BACH2: variants seen among roughly 807,000 people sequenced by gnomAD.
BACH2 encodes the protein transcription regulator protein BACH2.
BACH2 carries 5 observed loss-of-function variants against 61.8 expected under a neutral mutation model. The ratio of observed to expected loss-of-function variants is 0.08; its 90% confidence interval spans 0.04 to 0.17. The LOEUF (loss-of-function observed/expected upper bound fraction) is 0.17, where lower values mean the gene tolerates loss of function less well. Ranked by LOEUF, BACH2 falls within the 10% of genes least tolerant of loss-of-function variation. The pLI, the probability that BACH2 is intolerant of heterozygous loss-of-function variation, is 1.00. For synonymous variants in BACH2, 446 were observed against 440.1 expected, an observed-to-expected ratio of 1.01 and a Z score of -0.17; for missense variants, 824 against 1,091.1, an observed-to-expected ratio of 0.76 and a Z score of 3.45.
chr6:90,251,132 T>C (rs1326199482), intron 3 of BACH2, among the ~76,000 whole-genome samples: 1 of 151,714 alleles, frequency 6.6e-6, no homozygotes, highest in Non-Finnish European at 1.5e-5. Flanking sequence ...GTAATAATAA[T>C]ATAGTACAAG....
chr6:90,121,547 ATTAAT>A (rs1440001767), intron 4 of BACH2, among the ~76,000 whole-genome samples: 5 of 152,048 alleles, frequency 3.3e-5, no homozygotes, highest in Non-Finnish European at 5.9e-5. Context: ...TAATTAATTA[ATTAAT>A]TTATTTTGAG....
intron 4 of BACH2, among the ~76,000 whole-genome samples, chr6:90,126,061 G>A (rs570533876): frequency 3.3e-5 from 5 of 152,298 alleles, no homozygotes; most frequent in African/African-American, 1.2e-4. Flanking sequence ...TCCACTTTGC[G>A]ATCTGTGGGA....
intron 3 of BACH2, among the ~76,000 whole-genome samples, chr6:90,210,252 T>C (rs1177770245): frequency 6.6e-6 from 1 of 151,686 alleles, no homozygotes; most frequent in Non-Finnish European, 1.5e-5. Context: ...CAAGACGCTA[T>C]GGAAATAAAG....
At chr6:89,948,139 G>A (rs544961834) in intron 7 of BACH2, among the ~76,000 whole-genome samples, 1 of 152,252 alleles carries the variant, frequency 6.6e-6, no homozygotes, top group East Asian at 1.9e-4. Context: ...AGATGTATCT[G>A]AAACTGACAG....
chr6:89,948,936 G>C (rs1300052301), intron 7 of BACH2, among the ~76,000 whole-genome samples: 2 of 152,158 alleles, frequency 1.3e-5, no homozygotes, highest in African/African-American at 4.8e-5. Flanking sequence ...AGGCAGTTAA[G>C]AGAGGGGCAG....
At position 90,283,637 on chromosome 6, in the gene BACH2, A is replaced by G. The variant is rs573191691; in HGVS notation, c.-445-11696T>C. On this transcript the variant is annotated intron_variant, in intron 1 of 8. Transcript: ENST00000257749. ...TGATCCACCCGCCTCGACCTCCCAA[A>G]GTGCTGGGATTACAGGCGTGAGCCA... Among the ~76,000 whole-genome samples, 20 of 152,182 alleles carry G rather than the reference A, an allele frequency of 1.3e-4. No individual in the cohort carries two copies. The South Asian group carries it at 4.2e-3, about 32-fold the overall frequency.
intron 3 of BACH2, among the ~76,000 whole-genome samples, chr6:90,244,645 C>T (rs1770573062): frequency 6.6e-6 from 1 of 152,224 alleles, no homozygotes; most frequent in Non-Finnish European, 1.5e-5. Flanking sequence ...CACAAATACT[C>T]GTGTACATGT....
chr6:90,268,550 G>T (rs1341719703), intron 2 of BACH2, among the ~76,000 whole-genome samples: 1 of 152,080 alleles, frequency 6.6e-6, no homozygotes, highest in Non-Finnish European at 1.5e-5. Context: ...TATGTCTGTT[G>T]ACTATAAGAA....
chr6:90,265,822 T>C (rs1354258549), intron 2 of BACH2, among the ~76,000 whole-genome samples: 3 of 152,196 alleles, frequency 2.0e-5, no homozygotes, highest in Admixed American at 2.0e-4. Context: ...GGGCACCAGA[T>C]AGAAGAGGAC....
intron 5 of BACH2, among the ~76,000 whole-genome samples, chr6:90,065,270 C>CTTTTTTTTTTTTTTTTTTTTTTTTT (rs71027920): frequency 3.8e-4 from 20 of 52,666 alleles, no homozygotes; most frequent in South Asian, 1.4e-3. Flanking sequence ...GCCGCCCCCA[C>CTTTTTTTTTTTTTTTTTTTTTTTTT]TTTTTTTTTT....
rs1775196740 is a variant in BACH2, at chr6:89,968,894, C to T, written c.244-17032G>A. On this transcript the variant is annotated intron_variant, in intron 6 of 8. Transcript: ENST00000257749. ...GGTGTGGTGGCGTATGCCTGTAGTC[C>T]CAGCTACTTGGGGGGCTGAGGCAGG... is the stretch of plus-strand genomic sequence containing the variant. Among the ~76,000 whole-genome samples, 2 of 151,982 alleles carry T rather than the reference C, an allele frequency of 1.3e-5. 1 individual carries two copies. The highest frequency in any genetic ancestry group is 4.2e-4 in the South Asian group (2 of 4,810).
chr6:90,097,766 C>T lies in BACH2; in HGVS notation c.-161-8657G>A, dbSNP rs1641890406. 2.0e-5 allele frequency among the ~76,000 whole-genome samples: 3 copies of T among 152,252 alleles called. No individual in the cohort carries two copies. In the South Asian group the frequency reaches 6.2e-4, roughly 32 times the overall value. ...TCGTTGTACAGCCTTCACCACTATC[C>T]ATCCAATACATTTTTAAAGTGAGTA... is the stretch of plus-strand genomic sequence containing the variant. On this transcript the variant is annotated intron_variant, in intron 4 of 8. Coordinates refer to ENST00000257749, the MANE Select transcript of BACH2 (RefSeq NM_021813.4).
At chr6:90,141,424 G>A (rs138121067) in intron 4 of BACH2, among the ~76,000 whole-genome samples, 3 of 150,796 alleles carry the variant, frequency 2.0e-5, no homozygotes, top group East Asian at 2.0e-4. Context: ...CAAGTGATCC[G>A]CCTGCCTCGG....
chr6:90,112,064 A>G (rs536118898), intron 4 of BACH2, among the ~76,000 whole-genome samples: 2 of 152,230 alleles, frequency 1.3e-5, no homozygotes, highest in Non-Finnish European at 2.9e-5. Flanking sequence ...TAAGTCATAG[A>G]TAACATTATC....
chr6:90,284,583 G>C (rs1232870006), intron 1 of BACH2, among the ~76,000 whole-genome samples: 4 of 152,170 alleles, frequency 2.6e-5, no homozygotes, highest in African/African-American at 9.7e-5. Context: ...GCCCCGACAG[G>C]AGATGCTTAG....
intron 1 of BACH2, among the ~76,000 whole-genome samples, chr6:90,295,546 G>C (rs1466819074): frequency 2.6e-5 from 4 of 152,284 alleles, no homozygotes; most frequent in East Asian, 3.9e-4. Flanking sequence ...GGTGAGCGAA[G>C]CACAGCGGGG....
At chr6:90,239,798 TACACACACAC>T (rs59169449) in intron 3 of BACH2, among the ~76,000 whole-genome samples, 4,230 of 132,270 alleles carry the variant, frequency 0.032, 102 homozygotes, top group East Asian at 0.069. Context: ...GGGGGGGGAA[TACACACACAC>T]ACACACACAC....
At chr6:89,938,727 C>T (rs958330913) in intron 7 of BACH2, among the ~76,000 whole-genome samples, 2 of 152,120 alleles carry the variant, frequency 1.3e-5, no homozygotes, top group African/African-American at 4.8e-5. Flanking sequence ...TAGGGAGATA[C>T]CACATAAGGA....
At chr6:89,947,786 T>G (rs1773832733) in intron 7 of BACH2, among the ~76,000 whole-genome samples, 1 of 152,030 alleles carries the variant, frequency 6.6e-6, no homozygotes, top group East Asian at 1.9e-4. Flanking sequence ...TTAGCCAGGA[T>G]GGTCTCGATC....
Sources: gnomAD v4.1 joint callset for allele counts (sites outside exome capture counted in the v4.1 genomes callset) on GRCh38, gnomAD v4.1.1 for gene constraint, MANE v1.5 for transcripts, NCBI Gene and HGNC (gene_info 2026-07-23, HGNC 2026-07-21) for gene names.